The following PRKAA2 variants were observed in gnomAD, a reference collection of about 807,000 sequenced individuals.
PRKAA2 encodes the protein protein kinase AMP-activated catalytic subunit alpha 2.
In PRKAA2, 40 loss-of-function variants were observed where a neutral mutation model predicts 56.3. The observed-to-expected ratio is 0.71, with a 90% CI of 0.55 to 0.92. The LOEUF (loss-of-function observed/expected upper bound fraction) is 0.92, where lower values mean the gene tolerates loss of function less well. Among genes scored for constraint, PRKAA2 ranks in the 40% least tolerant of loss-of-function variants. The probability of loss-of-function intolerance (pLI) is 0.00; values close to 1 mark genes in which losing one functional copy is unlikely to be tolerated. For missense variants in PRKAA2, 542 were observed against 686.9 expected, an observed-to-expected ratio of 0.79 and a Z score of 2.36; for synonymous variants, 214 against 234.2, an observed-to-expected ratio of 0.91 and a Z score of 0.79.
rs146981607 is a variant in PRKAA2, at chr1:56,672,936, A to G, written c.95-1445A>G. Among the ~76,000 whole-genome samples, 455 of 152,256 alleles carry G rather than the reference A, an allele frequency of 3.0e-3. 1 individual carries two copies. Among genetic ancestry groups the G allele is most frequent in the African/African-American group, 0.01 (435 of 41,548 alleles). ...TACAGGATCAATGGAAAAGTTTTGG[A>G]GGGTATATGATTTGGATAGGCTTAA... On this transcript the variant is annotated intron_variant, in intron 1 of 8. Coordinates refer to ENST00000371244, the MANE Select transcript of PRKAA2 (RefSeq NM_006252.4).
chr1:56,700,031 T>A (rs1383419813), intron 6 of PRKAA2, among the ~76,000 whole-genome samples: 3 of 152,254 alleles, frequency 2.0e-5, no homozygotes, highest in Non-Finnish European at 4.4e-5. Flanking sequence ...GTGGCTTTTA[T>A]GACTACTGTT....
chr1:56,703,726 C>T (rs1644312130), intron 6 of PRKAA2, among the ~76,000 whole-genome samples: 1 of 152,066 alleles, frequency 6.6e-6, no homozygotes, highest in Non-Finnish European at 1.5e-5. Flanking sequence ...GGTTGTTTTC[C>T]TTAAAGCGAT....
intron 1 of PRKAA2, among the ~76,000 whole-genome samples, chr1:56,661,076 GT>G (rs936798242): frequency 2.5e-4 from 38 of 152,224 alleles, no homozygotes; most frequent in African/African-American, 8.7e-4. Context: ...GATCACCAGA[GT>G]TACGGCTTTT....
intron 2 of PRKAA2, among the ~76,000 whole-genome samples, chr1:56,687,153 G>T (rs1166180664): frequency 1.3e-5 from 2 of 151,984 alleles, no homozygotes; most frequent in Non-Finnish European, 2.9e-5. Flanking sequence ...CAAAGTGCTG[G>T]GATTACAGGT....
chr1:56,645,575 G>A (rs1483905273), intron 1 of PRKAA2, 94 bp downstream of exon 1: 2 of 1,212,562 alleles, frequency 1.6e-6, no homozygotes, highest in East Asian at 8.3e-5. Flanking sequence ...GCGGGCGCGG[G>A]GCTCGGCGGC....
chr1:56,665,420 A>T (rs995570627), intron 1 of PRKAA2, among the ~76,000 whole-genome samples: 1 of 152,046 alleles, frequency 6.6e-6, no homozygotes. Context: ...TTTTCTTTCC[A>T]TTTCTTAGAT....
intron 1 of PRKAA2, among the ~76,000 whole-genome samples, chr1:56,647,041 G>A (rs752596629): frequency 2.8e-4 from 42 of 152,190 alleles, no homozygotes; most frequent in Non-Finnish European, 5.1e-4. Flanking sequence ...GAGGTTGGCA[G>A]TTTTCAATAA....
At chr1:56,696,310 A>T in intron 6 of PRKAA2, 151 bp downstream of exon 6, 1 of 663,358 alleles carries the variant, frequency 1.5e-6, no homozygotes, top group Non-Finnish European at 2.5e-6. Flanking sequence ...TGTTTCTCAA[A>T]CCTAACATAG....
chr1:56,707,007 A>G (rs770304740), intron 8 of PRKAA2, among the ~76,000 whole-genome samples: 7 of 152,182 alleles, frequency 4.6e-5, no homozygotes, highest in Non-Finnish European at 1.0e-4. Context: ...GACCTATTAA[A>G]TCAGAATTTC....
intron 1 of PRKAA2, among the ~76,000 whole-genome samples, chr1:56,655,739 G>A (rs1350208256): frequency 3.3e-5 from 5 of 152,132 alleles, no homozygotes; most frequent in Admixed American, 1.3e-4. Flanking sequence ...TTTGAGTCTT[G>A]TGAGGCAACA....
At chr1:56,705,766 A>C (rs1644327858) in intron 7 of PRKAA2, among the ~76,000 whole-genome samples, 1 of 152,194 alleles carries the variant, frequency 6.6e-6, no homozygotes, top group African/African-American at 2.4e-5. Flanking sequence ...CAACCAAATT[A>C]GAATTGATGT....
At chr1:56,681,059 G>A (rs1254726625) in intron 2 of PRKAA2, among the ~76,000 whole-genome samples, 2 of 152,222 alleles carry the variant, frequency 1.3e-5, no homozygotes, top group South Asian at 2.1e-4. Context: ...TCTAACTGGT[G>A]TGAGATGGTG....
chr1:56,647,984 T>G (rs566400544), intron 1 of PRKAA2, among the ~76,000 whole-genome samples: 1 of 149,992 alleles, frequency 6.7e-6, no homozygotes, highest in South Asian at 2.1e-4. Context: ...GAGCCAAGAT[T>G]GCATCACTGC....
intron 1 of PRKAA2, among the ~76,000 whole-genome samples, chr1:56,654,492 T>G (rs903875254): frequency 6.6e-6 from 1 of 152,110 alleles, no homozygotes; most frequent in Non-Finnish European, 1.5e-5. Flanking sequence ...AAATAATGAG[T>G]AAGTGGCTGG....
rs1041444629 is a variant in PRKAA2 at position 56,711,506 on chromosome 1, G to A, written c.*3793G>A. Reference sequence around the variant, plus strand: ...TCCTATTAATGGTTGTAAAAGCTGAGTGTCTAAATGCTAGACATGTTCACA... The same window carrying A: ...TCCTATTAATGGTTGTAAAAGCTGAATGTCTAAATGCTAGACATGTTCACA... On this transcript the variant is annotated 3_prime_UTR_variant, in exon 9 of 9. Coordinates refer to ENST00000371244, the MANE Select transcript of PRKAA2 (RefSeq NM_006252.4). 6.6e-6 allele frequency: 1 copy of A among 152,114 alleles called. No individual in the cohort carries two copies. Among genetic ancestry groups the A allele is most frequent in the Admixed American group, 6.6e-5 (1 of 15,260 alleles). 9.4% of individuals were successfully genotyped at this position (152,114 alleles called of 1,614,324 possible).
rs559299252 is a variant in PRKAA2 at position 56,695,204 on chromosome 1, T to TG, written c.564-731_564-730insG. 7.7e-4 allele frequency among the ~76,000 whole-genome samples: 108 copies of TG among 139,724 alleles called. No individual in the cohort carries two copies. The East Asian group carries it at 0.015, about 20-fold the overall frequency. 91.7% of individuals were successfully genotyped at this position (139,724 alleles called of 152,430 possible). On this transcript the variant is annotated intron_variant, in intron 5 of 8. Coordinates refer to ENST00000371244, the MANE Select transcript of PRKAA2 (RefSeq NM_006252.4). ...ATATTATATATATATATATATATATTTTTTGTTTTGAGATAGAGTCTCGCT... is the reference window on the plus strand; with the variant it reads ...ATATTATATATATATATATATATATTGTTTTGTTTTGAGATAGAGTCTCGCT...
chr1:56,697,817 TAAAA>T (rs143567357), intron 6 of PRKAA2, among the ~76,000 whole-genome samples: 1 of 150,094 alleles, frequency 6.7e-6, no homozygotes, highest in Non-Finnish European at 1.5e-5. Context: ...TTTTTTTTAT[TAAAA>T]AAAAAGTCAA....
intron 2 of PRKAA2, among the ~76,000 whole-genome samples, chr1:56,690,701 C>T (rs1358086049): frequency 6.6e-6 from 1 of 152,000 alleles, no homozygotes; most frequent in Non-Finnish European, 1.5e-5. Context: ...TTTTTCACTT[C>T]CTGGATTTTG....
At chr1:56,680,341 G>T (rs570913196) in intron 2 of PRKAA2, among the ~76,000 whole-genome samples, 5 of 149,214 alleles carry the variant, frequency 3.4e-5, no homozygotes, top group African/African-American at 4.9e-5. Flanking sequence ...AGGAATTATG[G>T]TTTTTTTTTT....
Sources: allele counts gnomAD v4.1 joint callset (sites outside exome capture counted in the v4.1 genomes callset), GRCh38; gene constraint gnomAD v4.1.1; transcripts MANE v1.5; gene names NCBI Gene and HGNC (gene_info 2026-07-23, HGNC 2026-07-21).